Variants in PLXNC1 observed in about 807,000 individuals in gnomAD.
PLXNC1 encodes the protein plexin-C1.
PLXNC1 carries 75 observed loss-of-function variants against 178.2 expected under a neutral mutation model. The observed-to-expected ratio is 0.42, with a 90% CI of 0.35 to 0.51. The LOEUF (loss-of-function observed/expected upper bound fraction) is 0.51. PLXNC1 is among the 20% of genes least tolerant of loss of function. The pLI is 0.02. For missense variants in PLXNC1, 1,503 were observed against 1,984.4 expected, an observed-to-expected ratio of 0.76 and a Z score of 4.61; for synonymous variants, 790 against 779.9, an observed-to-expected ratio of 1.01 and a Z score of -0.22.
chr12:94,150,018 G>A lies in PLXNC1; in HGVS notation c.1047G>A (p.Thr349=), dbSNP rs1028220972. The part of the protein sequence containing the change: ...RAKRVSWDFK[T]AESHCKEGDQ... ...AGAGGGTCAGCTGGGACTTCAAGACGGCCGAGAGCCACTGCGTAAGTCCTG... is the reference window on the plus strand; with the variant it reads ...AGAGGGTCAGCTGGGACTTCAAGACAGCCGAGAGCCACTGCGTAAGTCCTG... Residue 349 remains threonine, a synonymous_variant, in exon 1 of 31, where the codon ACG becomes ACA. Transcript: ENST00000258526. 1.3e-6 allele frequency: 2 copies of A among 1,594,848 alleles called. No homozygotes were observed. The highest frequency in any genetic ancestry group is 1.3e-5 in the African/African-American group (1 of 74,280).
At chr12:94,169,474 C>G (rs1018623648) in intron 2 of PLXNC1, among the ~76,000 whole-genome samples, 181 bp downstream of exon 2, 1 of 152,154 alleles carries the variant, frequency 6.6e-6, no homozygotes, top group Non-Finnish European at 1.5e-5. Context: ...AAGAATGCCC[C>G]GTAGCCATGT....
chr12:94,267,633 G>A (rs1483396795), intron 21 of PLXNC1, among the ~76,000 whole-genome samples: 1 of 152,212 alleles, frequency 6.6e-6, no homozygotes, highest in Non-Finnish European at 1.5e-5. Flanking sequence ...ATGATTGTTA[G>A]TGCCTCTTAT....
rs1397418702 is a variant in PLXNC1, at chr12:94,305,286, G to T, written c.*1G>T. The T allele has an allele frequency of 6.3e-7, 1 of 1,580,824 alleles. No individual in the cohort carries two copies. The highest frequency in any genetic ancestry group is 1.4e-5 in the African/African-American group (1 of 73,978). Reference sequence around the variant, plus strand: ...AAAGAAGAAATGCAAGTGGATGTAAGCACTCTGGGGCCTGGCTTAATCTGG... The same window carrying T: ...AAAGAAGAAATGCAAGTGGATGTAATCACTCTGGGGCCTGGCTTAATCTGG... On this transcript the variant is annotated 3_prime_UTR_variant, in exon 31 of 31. Coordinates refer to ENST00000258526, the MANE Select transcript of PLXNC1 (RefSeq NM_005761.3).
intron 4 of PLXNC1, among the ~76,000 whole-genome samples, chr12:94,199,365 G>A (rs1285033911): frequency 1.3e-5 from 2 of 152,214 alleles, no homozygotes; most frequent in Non-Finnish European, 1.5e-5. Context: ...AATGGAATTG[G>A]GGATGGCCCC....
chr12:94,291,365 A>G (rs905416402), intron 23 of PLXNC1, among the ~76,000 whole-genome samples: 7 of 152,106 alleles, frequency 4.6e-5, no homozygotes, highest in Non-Finnish European at 1.0e-4. Context: ...CTGGGACTAC[A>G]GGCGTGTGCC....
chr12:94,216,592 A>G (rs1031418232), intron 5 of PLXNC1, among the ~76,000 whole-genome samples: 1 of 152,212 alleles, frequency 6.6e-6, no homozygotes, highest in African/African-American at 2.4e-5. Context: ...AAAGTCATAA[A>G]TATATTCATT....
chr12:94,182,695 A>G (rs1403396618), intron 3 of PLXNC1, among the ~76,000 whole-genome samples: 1 of 151,998 alleles, frequency 6.6e-6, no homozygotes, highest in Non-Finnish European at 1.5e-5. Context: ...ACTGCACCCC[A>G]GCCTGGGCAA....
chr12:94,305,663 A>G lies in PLXNC1; in HGVS notation c.*378A>G, dbSNP rs1267977749. ...CACTTGTGCTACACTGCACCTCTGC[A>G]TTGTAAAGGGATACTGCCAGTGCTC... is the stretch of plus-strand genomic sequence containing the variant. On this transcript the variant is annotated 3_prime_UTR_variant, in exon 31 of 31. Coordinates refer to ENST00000258526, the MANE Select transcript of PLXNC1 (RefSeq NM_005761.3). 6.2e-6 allele frequency: 1 copy of G among 160,240 alleles called. No homozygotes were observed. Among genetic ancestry groups the G allele is most frequent in the Non-Finnish European group, 1.4e-5 (1 of 73,638 alleles). The allele number at this position is 160,240 out of a possible 1,614,324, so 9.9% of individuals were successfully genotyped here. A position where few individuals can be genotyped will look rare whatever the true frequency, so the allele number is the denominator to read the frequency against.
chr12:94,261,656 T>G (rs571088570), intron 20 of PLXNC1, among the ~76,000 whole-genome samples: 227 of 152,212 alleles, frequency 1.5e-3, no homozygotes, highest in Non-Finnish European at 2.7e-3. Context: ...CAGAAGATTC[T>G]TATCCTTTAA....
intron 2 of PLXNC1, among the ~76,000 whole-genome samples, chr12:94,180,163 C>T (rs1403605240): frequency 6.6e-6 from 1 of 152,176 alleles, no homozygotes; most frequent in Non-Finnish European, 1.5e-5. Flanking sequence ...AGGCTGTTTA[C>T]ACAGGCCCAC....
At chr12:94,165,436 G>T (rs1961573562) in intron 1 of PLXNC1, among the ~76,000 whole-genome samples, 1 of 152,166 alleles carries the variant, frequency 6.6e-6, no homozygotes, top group Admixed American at 6.5e-5. Context: ...GTTTTCATGA[G>T]GTCCAAGCCT....
rs570112567 is a variant in PLXNC1, at chr12:94,198,710, G to A, written c.1440-10880G>A. Among the ~76,000 whole-genome samples the A allele has an allele frequency of 5.3e-5, 8 of 152,206 alleles. No individual in the cohort carries two copies. In the South Asian group the frequency reaches 1.7e-3, roughly 32 times the overall value. ...ATCCTTCCTCACCTCTCCCAGCTCC[G>A]GGTGACTCCTGGTGTTTCTTGGCTT... On this transcript the variant is annotated intron_variant, in intron 4 of 30. Transcript: ENST00000258526.
chr12:94,223,508 T>C lies in PLXNC1; in HGVS notation c.1703-720T>C, dbSNP rs148172609. Reference sequence around the variant, plus strand: ...TTTAGGGGCATGGCCCTGGGATCTATAGCTTTGTAAATTTCTCAGGTGATT... The same window carrying C: ...TTTAGGGGCATGGCCCTGGGATCTACAGCTTTGTAAATTTCTCAGGTGATT... On this transcript the variant is annotated intron_variant, in intron 6 of 30. Coordinates refer to ENST00000258526, the MANE Select transcript of PLXNC1 (RefSeq NM_005761.3). 4.8e-3 allele frequency among the ~76,000 whole-genome samples: 737 copies of C among 152,332 alleles called. 26 individuals are homozygous for C. The highest frequency in any genetic ancestry group is 0.044 in the Admixed American group (666 of 15,306).
At chr12:94,279,727 C>T (rs772493523) in intron 22 of PLXNC1, 78 bp downstream of exon 22, 6 of 1,226,446 alleles carry the variant, frequency 4.9e-6, no homozygotes, top group Admixed American at 4.0e-5. Context: ...CCTGTCCCCC[C>T]TCCCTGCCCC....
intron 5 of PLXNC1, among the ~76,000 whole-genome samples, chr12:94,210,994 A>AT (rs1484515544): frequency 6.6e-6 from 1 of 152,072 alleles, no homozygotes; most frequent in Non-Finnish European, 1.5e-5. Context: ...ATTCTGGAAG[A>AT]TTTTTTTTCT....
At chr12:94,297,466 G>T (rs906955764) in intron 26 of PLXNC1, 43 bp downstream of exon 26, 1 of 1,317,118 alleles carries the variant, frequency 7.6e-7, no homozygotes, top group South Asian at 1.2e-5. Context: ...TACCTAGGGG[G>T]TGTATGATAT....
chr12:94,268,463 C>T (rs1965374411), intron 21 of PLXNC1, among the ~76,000 whole-genome samples: 3 of 152,032 alleles, frequency 2.0e-5, no homozygotes, highest in Admixed American at 2.0e-4. Context: ...AACAGTGAGA[C>T]AGAATGCCCT....
chr12:94,205,736 A>G (rs1963278808), intron 4 of PLXNC1, among the ~76,000 whole-genome samples: 1 of 152,142 alleles, frequency 6.6e-6, no homozygotes, highest in African/African-American at 2.4e-5. Flanking sequence ...GCTTCATCCT[A>G]CAGTCTCTGC....
chr12:94,219,898 G>A, intron 5 of PLXNC1, 118 bp from the exon 6 acceptor site: 2 of 705,090 alleles, frequency 2.8e-6, no homozygotes, highest in East Asian at 2.6e-5. Context: ...CTTTACATCA[G>A]CTCTTCTGAG....
Sources: gnomAD v4.1 joint callset for allele counts (sites outside exome capture counted in the v4.1 genomes callset) on GRCh38, gnomAD v4.1.1 for gene constraint, MANE v1.5 for transcripts, NCBI Gene and HGNC (gene_info 2026-07-23, HGNC 2026-07-21) for gene names.